ABCG2: variants seen among roughly 807,000 people sequenced by gnomAD.
ABCG2 encodes the protein broad substrate specificity ATP-binding cassette transporter ABCG2.
A neutral mutation model predicts 73.5 loss-of-function variants in ABCG2; 80 were observed. The ratio of observed to expected loss-of-function variants is 1.09; its 90% CI spans 0.91 to 1.31. The LOEUF is 1.31. ABCG2 is among the 50% of genes most tolerant of loss of function. ABCG2 has a pLI of 0.00. For missense variants in ABCG2, 796 were observed against 786.2 expected, an observed-to-expected ratio of 1.01 and a Z score of -0.15; for synonymous variants, 269 against 282.4, an observed-to-expected ratio of 0.95 and a Z score of 0.48.
rs1183545144 is a variant in ABCG2, at chr4:88,131,065, G to C, written c.527C>G (p.Ser176Cys). ...QELGLDKVADSKVGTQFIRGV... is the reference protein window; with the variant it reads ...QELGLDKVADCKVGTQFIRGV... ...CTTTCAGTTTTTCCACATTACCTTG[G>C]AGTCTGCCACTTTATCCAGACCTAA... The change falls in exon 5 of 16, where the codon TCC (serine) becomes TGC (cysteine). Residue 176 changes from serine to cysteine, a missense_variant. Physicochemically the swap from Ser to Cys is moderately radical, Grantham distance 112. Coordinates refer to ENST00000237612, the MANE Select transcript of ABCG2 (RefSeq NM_004827.3). 6 of 1,613,740 alleles carry C rather than the reference G, an allele frequency of 3.7e-6. No homozygotes were observed. The highest frequency in any genetic ancestry group is 8.5e-7 in the Non-Finnish European group (1 of 1,179,940).
chr4:88,167,253 G>A (rs1727561358), intron 1 of ABCG2, among the ~76,000 whole-genome samples: 2 of 151,672 alleles, frequency 1.3e-5, no homozygotes. Context: ...CTTGCTGAAT[G>A]TCAACCAGGG....
intron 1 of ABCG2, among the ~76,000 whole-genome samples, chr4:88,213,596 TTGTATATATA>T (rs896795707): frequency 2.6e-5 from 4 of 151,976 alleles, no homozygotes; most frequent in African/African-American, 7.2e-5. Context: ...TTCTATATCA[TTGTATATATA>T]TGTATATATA....
intron 1 of ABCG2, among the ~76,000 whole-genome samples, chr4:88,171,417 GA>G (rs1727752880): frequency 7.8e-6 from 1 of 127,772 alleles, no homozygotes; most frequent in Non-Finnish European, 1.7e-5. Flanking sequence ...AGGCATCAAA[GA>G]AACATTGTAA....
At chr4:88,097,658 T>A in intron 12 of ABCG2, 51 bp from the exon 13 acceptor site, 1 of 1,566,234 alleles carries the variant, frequency 6.4e-7, no homozygotes, top group Non-Finnish European at 8.7e-7. Context: ...GGTCACCGTA[T>A]GTTTGGGATT....
chr4:88,127,490 G>T (rs929699326), intron 5 of ABCG2, among the ~76,000 whole-genome samples: 12 of 152,098 alleles, frequency 7.9e-5, no homozygotes, highest in Admixed American at 7.9e-4. Flanking sequence ...AAAGAACAAA[G>T]CTGGAGGCAT....
intron 1 of ABCG2, among the ~76,000 whole-genome samples, chr4:88,198,659 C>T (rs1729033280): frequency 1.3e-5 from 2 of 151,898 alleles, no homozygotes; most frequent in South Asian, 4.2e-4. Context: ...TAAATGAAAG[C>T]TCCAATGGAT....
intron 9 of ABCG2, among the ~76,000 whole-genome samples, chr4:88,109,441 CAT>C (rs1397719703): frequency 6.6e-6 from 1 of 152,180 alleles, no homozygotes; most frequent in Non-Finnish European, 1.5e-5. Flanking sequence ...AGCTTTCAAA[CAT>C]ATTGACAAAA....
chr4:88,116,473 T>C (rs1235261532), intron 7 of ABCG2, among the ~76,000 whole-genome samples: 5 of 151,824 alleles, frequency 3.3e-5, no homozygotes, highest in Non-Finnish European at 7.4e-5. Context: ...TTTGTAATCA[T>C]ATCCAAATAT....
Position 88,210,155 on chromosome 4 carries a change from G to A in ABCG2, c.-20+20839C>T, listed in dbSNP as rs186453130. Among the ~76,000 whole-genome samples the A allele has an allele frequency of 2.6e-3, 399 of 151,040 alleles. 2 individuals carry two copies. The highest frequency in any genetic ancestry group is 8.5e-3 in the African/African-American group (350 of 41,064). ...TTTTGATTGAATTAGATATAATTAG[G>A]TTAAAGATGTCAGTAATGTAAGTAA... On this transcript the variant is annotated intron_variant, in intron 1 of 15. Coordinates refer to the ABCG2 transcript ENST00000515655.
chr4:88,230,985 A>G (rs1730442616), intron 1 of ABCG2: 1 of 152,200 alleles, frequency 6.6e-6, no homozygotes, highest in South Asian at 2.1e-4. Context: ...ACAAAAACAA[A>G]CAACTCACCT....
intron 11 of ABCG2, among the ~76,000 whole-genome samples, chr4:88,100,506 CA>C (rs565550337): frequency 0.032 from 3,328 of 103,042 alleles, 33 homozygotes; most frequent in Middle Eastern, 0.047. Context: ...GACTCTATGT[CA>C]AAAAAAAAAA....
intron 1 of ABCG2, among the ~76,000 whole-genome samples, chr4:88,144,680 C>T (rs1725861332): frequency 6.6e-6 from 1 of 152,074 alleles, no homozygotes; most frequent in Non-Finnish European, 1.5e-5. Flanking sequence ...TGGTTTCAAA[C>T]TCCTGACCTC....
chr4:88,160,268 G>A (rs918495362), upstream of ABCG2, among the ~76,000 whole-genome samples: 1 of 151,140 alleles, frequency 6.6e-6, no homozygotes, highest in African/African-American at 2.4e-5. Flanking sequence ...TTAAGATAAA[G>A]TTTTCAGACC....
chr4:88,101,306 A>G lies in ABCG2; in HGVS notation c.1291T>C (p.Phe431Leu). The change falls in exon 11 of 16, where the codon TTC becomes CTC. Residue 431 changes from phenylalanine (F) to leucine (L), a missense_variant. Coordinates refer to ENST00000237612, the MANE Select transcript of ABCG2 (RefSeq NM_004827.3). ...TGIQNRAGVL[F>L]FLTTNQCFSS... ...AAACACTGGTTGGTCGTCAGGAAGA[A>G]GAGAACCCCAGCTCTGCCATGAAAA... The G allele has an allele frequency of 6.2e-7, 1 of 1,614,214 alleles. No homozygotes were observed. The highest frequency in any genetic ancestry group is 8.5e-7 in the Non-Finnish European group (1 of 1,180,032).
chr4:88,135,357 G>T (rs1474266068), intron 2 of ABCG2, among the ~76,000 whole-genome samples: 1 of 152,198 alleles, frequency 6.6e-6, no homozygotes, highest in Non-Finnish European at 1.5e-5. Context: ...ATACAGCACA[G>T]TTGTTGTAAA....
At chr4:88,216,227 G>T (rs924481199) in intron 1 of ABCG2, among the ~76,000 whole-genome samples, 1 of 152,186 alleles carries the variant, frequency 6.6e-6, no homozygotes, top group African/African-American at 2.4e-5. Flanking sequence ...CTTATGAGCC[G>T]TGGCTACTGG....
rs561354012 is a variant in ABCG2, at chr4:88,146,684, G to A, written c.-19-6670C>T. Among the ~76,000 whole-genome samples, 48 of 152,156 alleles carry A rather than the reference G, an allele frequency of 3.2e-4. No homozygotes were observed. The South Asian group carries it at 7.0e-3, about 22-fold the overall frequency. On this transcript the variant is annotated intron_variant, in intron 1 of 15. Coordinates refer to ENST00000237612, the MANE Select transcript of ABCG2 (RefSeq NM_004827.3). ...GCTGGGATTACAGGCATGAGTCACCGTGCTTGGCTAAAACCTGTTAATTTT... is the reference window on the plus strand; with the variant it reads ...GCTGGGATTACAGGCATGAGTCACCATGCTTGGCTAAAACCTGTTAATTTT...
chr4:88,154,317 G>A (rs1429144646), intron 1 of ABCG2, among the ~76,000 whole-genome samples: 1 of 152,204 alleles, frequency 6.6e-6, no homozygotes, highest in East Asian at 1.9e-4. Context: ...TATTAAAGAA[G>A]CATTAATGAT....
At chr4:88,163,641 G>T, upstream of ABCG2, 1 of 218,588 alleles carries the variant, frequency 4.6e-6, no homozygotes, top group Non-Finnish European at 9.3e-6. Flanking sequence ...ACGAGGTAGT[G>T]ACCCAAGAAT....
Sources: gnomAD v4.1 joint callset for allele counts (sites outside exome capture counted in the v4.1 genomes callset) on GRCh38, gnomAD v4.1.1 for gene constraint, MANE v1.5 for transcripts, NCBI Gene and HGNC (gene_info 2026-07-23, HGNC 2026-07-21) for gene names.